IQCE: variants seen among roughly 807,000 people sequenced by gnomAD.
IQCE encodes the protein IQ domain-containing protein E.
A neutral mutation model predicts 96.0 loss-of-function variants in IQCE; 115 were observed. The ratio of observed to expected loss-of-function variants is 1.20; its 90% CI spans 1.03 to 1.40. The LOEUF (loss-of-function observed/expected upper bound fraction) is 1.40, where lower values mean the gene tolerates loss of function less well. IQCE is among the 40% of genes most tolerant of loss of function. IQCE has a pLI of 0.00. For synonymous variants in IQCE, 412 were observed against 371.2 expected (o/e 1.11, Z -1.26); for missense variants, 1,041 against 909.1 (o/e 1.15, Z -1.87).
At chr7:2,570,428 CT>C (rs1219990864) in intron 3 of IQCE, among the ~76,000 whole-genome samples, 1 of 151,502 alleles carries the variant, frequency 6.6e-6, no homozygotes, top group Non-Finnish European at 1.5e-5. Context: ...CAACTTAAAT[CT>C]TTACGTTTTG....
At chr7:2,580,612 CAA>C (rs914530355) in intron 8 of IQCE, among the ~76,000 whole-genome samples, 1 of 137,794 alleles carries the variant, frequency 7.3e-6, no homozygotes, top group Non-Finnish European at 1.6e-5. Context: ...AACTCTGTCT[CAA>C]AAAAAAAAAA....
intron 1 of IQCE, among the ~76,000 whole-genome samples, chr7:2,565,623 C>G (rs889316071): frequency 1.3e-5 from 2 of 152,088 alleles, no homozygotes; most frequent in African/African-American, 2.4e-5. Context: ...CTTGTGATGC[C>G]CAGGGCTGAC....
rs147147454 is a variant in IQCE at position 2,586,191 on chromosome 7, C to T, written c.825-17C>T. On this transcript the variant is annotated splice_polypyrimidine_tract_variant and intron_variant, in intron 11 of 21. Coordinates refer to ENST00000402050, the MANE Select transcript of IQCE (RefSeq NM_152558.5). ...GCTTAGCAATGCAAACCTCAGTCCA[C>T]GATTTGGTTGTTCCAGGCCCCTGGG... The T allele has an allele frequency of 1.5e-4, 247 of 1,608,028 alleles. No individual in the cohort carries two copies. The African/African-American group carries it at 2.9e-3, about 19-fold the overall frequency.
At chr7:2,578,641 G>C (rs1285739536) in intron 8 of IQCE, 115 bp downstream of exon 8, 2 of 1,142,096 alleles carry the variant, frequency 1.8e-6, no homozygotes, top group East Asian at 2.4e-5. Context: ...AGGCAGGGGG[G>C]AGGCTGCGGA....
intron 9 of IQCE, among the ~76,000 whole-genome samples, chr7:2,582,987 C>A (rs189147453): frequency 4.6e-5 from 7 of 152,106 alleles, no homozygotes; most frequent in African/African-American, 1.7e-4. Context: ...ACCTGACTTT[C>A]GAGTGCGAAG....
intron 1 of IQCE, among the ~76,000 whole-genome samples, chr7:2,565,391 G>A (rs771140891): frequency 3.9e-5 from 6 of 152,276 alleles, no homozygotes; most frequent in South Asian, 4.1e-4. Flanking sequence ...GAGGCAGCAC[G>A]GCTGGAAGGG....
At chr7:2,562,819 T>C (rs1781065807) in intron 1 of IQCE, among the ~76,000 whole-genome samples, 1 of 152,078 alleles carries the variant, frequency 6.6e-6, no homozygotes. Context: ...AGGTGAAAGT[T>C]TAGATTATTG....
rs1469177262 is a variant in IQCE at position 2,613,633 on chromosome 7, G to C, written c.*3471G>C. 6.6e-6 allele frequency: 1 copy of C among 152,412 alleles called. No homozygotes were observed. Among genetic ancestry groups the C allele is most frequent in the Admixed American group, 6.5e-5 (1 of 15,290 alleles). 9.4% of individuals were successfully genotyped at this position (152,412 alleles called of 1,614,324 possible). On this transcript the variant is annotated 3_prime_UTR_variant, in exon 22 of 22. Coordinates refer to ENST00000402050, the MANE Select transcript of IQCE (RefSeq NM_152558.5). ...GCGGAGAGAGTGCAGGGAGGGGCTGGGACCAAACAGGCCAGAAACCAGCAG... is the reference window on the plus strand; with the variant it reads ...GCGGAGAGAGTGCAGGGAGGGGCTGCGACCAAACAGGCCAGAAACCAGCAG...
chr7:2,569,388 C>A (rs1250302149), intron 3 of IQCE, among the ~76,000 whole-genome samples: 1 of 152,128 alleles, frequency 6.6e-6, no homozygotes, highest in African/African-American at 2.4e-5. Flanking sequence ...TCCTGAGAGT[C>A]GAAGTTACTG....
At chr7:2,595,717 G>A (rs1783976677) in intron 16 of IQCE, among the ~76,000 whole-genome samples, 3 of 150,638 alleles carry the variant, frequency 2.0e-5, no homozygotes, top group South Asian at 2.1e-4. Flanking sequence ...CACCATGGCC[G>A]GCGCTGCCTG....
chr7:2,607,480 A>G (rs1367941118), intron 21 of IQCE: 3 of 1,302,250 alleles, frequency 2.3e-6, no homozygotes, highest in African/African-American at 1.5e-5. Flanking sequence ...TCTCAGCTCC[A>G]ACAGGACCGA....
At chr7:2,597,058 C>T (rs1269887652) in intron 16 of IQCE, 2 of 471,176 alleles carry the variant, frequency 4.2e-6, no homozygotes, top group Non-Finnish European at 8.8e-6. Flanking sequence ...GCAGGAGCGG[C>T]GCGTCGGCCA....
At position 2,594,960 on chromosome 7, in the gene IQCE, C is replaced by T. The variant is rs370843227; in HGVS notation, c.1424C>T (p.Pro475Leu). Residue 475 changes from proline (P) to leucine (L), a missense_variant, in exon 16 of 22, where the codon CCG becomes CTG. Coordinates refer to ENST00000402050, the MANE Select transcript of IQCE (RefSeq NM_152558.5). ...AAGAAAGAAGAGAAAGAGGATTGCC[C>T]GGAAGTTCCTCATAAGGTACAGTGA... is the stretch of plus-strand genomic sequence containing the variant. ...EMKKEEKEDC[P>L]EVPHKAQELP... 25 of 1,612,400 alleles carry T rather than the reference C, an allele frequency of 1.6e-5. No individual in the cohort carries two copies. The Admixed American group carries it at 2.5e-4, about 16-fold the overall frequency.
rs971456749 is a variant in IQCE at position 2,610,361 on chromosome 7, G to A, written c.*199G>A. Reference sequence around the variant, plus strand: ...ACTTTATTCTCTGGGGAGGGCCAGCGGCTCGCATCCCCCTCATCTCCAGCT... The same window carrying A: ...ACTTTATTCTCTGGGGAGGGCCAGCAGCTCGCATCCCCCTCATCTCCAGCT... On this transcript the variant is annotated 3_prime_UTR_variant, in exon 22 of 22. Transcript: ENST00000402050. The A allele has an allele frequency of 1.1e-5, 6 of 527,428 alleles. No homozygotes were observed. Among genetic ancestry groups the A allele is most frequent in the Admixed American group, 6.6e-5 (2 of 30,342 alleles). 32.7% of individuals were successfully genotyped at this position (527,428 alleles called of 1,614,324 possible).
intron 6 of IQCE, among the ~76,000 whole-genome samples, chr7:2,576,902 C>T (rs1275927834): frequency 6.6e-6 from 1 of 152,164 alleles, no homozygotes; most frequent in African/African-American, 2.4e-5. Flanking sequence ...GGAGAAAACG[C>T]GTGGTGCGGC....
rs190715490 is a variant in IQCE at position 2,572,238 on chromosome 7, G to A, written c.306G>A (p.Ala102=). Residue 102 remains alanine, a synonymous_variant, in exon 5 of 22, where the codon GCG becomes GCA. Transcript: ENST00000402050. ...ALNSPLTWEH[A]WTGVPGGTPD... The stretch of plus-strand genomic sequence containing the variant: ...ACTCACCCCTCACCTGGGAGCATGC[G>A]TGGACTGGCGTCCCCGGCGGCACTC... The A allele has an allele frequency of 1.0e-3, 1,640 of 1,614,160 alleles. 8 individuals are homozygous for A. Among genetic ancestry groups the A allele is most frequent in the Non-Finnish European group, 7.3e-4 (864 of 1,180,016 alleles).
In IQCE at chr7:2,610,169, G is replaced by A. The variant is rs372740392; in HGVS notation, c.*7G>A. 28 of 1,507,064 alleles carry A rather than the reference G, an allele frequency of 1.9e-5. No homozygotes were observed. Among genetic ancestry groups the A allele is most frequent in the Admixed American group, 1.2e-4 (7 of 59,840 alleles). The allele number at this position is 1,507,064 out of a possible 1,614,324, so 93.4% of individuals were successfully genotyped here. ...GAAGAACTTTCCAGTTTAGGTCCCC[G>A]TCACTGTCTCCACGCCGTGATGGCA... is the stretch of plus-strand genomic sequence containing the variant. On this transcript the variant is annotated 3_prime_UTR_variant, in exon 22 of 22. Transcript: ENST00000402050.
At chr7:2,585,335 G>T (rs1378507675) in intron 11 of IQCE, among the ~76,000 whole-genome samples, 1 of 152,228 alleles carries the variant, frequency 6.6e-6, no homozygotes, top group Non-Finnish European at 1.5e-5. Context: ...ACCATGCCCA[G>T]CCTGGTCACA....
At chr7:2,574,132 C>T (rs1000815038) in intron 6 of IQCE, among the ~76,000 whole-genome samples, 1 of 152,254 alleles carries the variant, frequency 6.6e-6, no homozygotes, top group Non-Finnish European at 1.5e-5. Context: ...GACCATCACA[C>T]TGGCTTTCAG....
Sources: gnomAD v4.1 joint callset for allele counts (sites outside exome capture counted in the v4.1 genomes callset) on GRCh38, gnomAD v4.1.1 for gene constraint, MANE v1.5 for transcripts, NCBI Gene and HGNC (gene_info 2026-07-23, HGNC 2026-07-21) for gene names.